Variants in KCND2 observed in about 807,000 individuals in gnomAD.
The protein encoded by KCND2 is potassium voltage-gated channel subfamily D member 2.
In KCND2, 16 loss-of-function variants were observed where a neutral mutation model predicts 54.4. The observed-to-expected ratio is 0.29, with a 90% confidence interval of 0.20 to 0.45. The LOEUF (loss-of-function observed/expected upper bound fraction) is 0.45. Ranked by LOEUF, KCND2 falls within the 20% of genes least tolerant of loss-of-function variation. The pLI, the probability that KCND2 is intolerant of heterozygous loss-of-function variation, is 1.00. For synonymous variants in KCND2, 317 were observed against 310.7 expected (o/e 1.02, Z -0.21); for missense variants, 486 against 824.2 (o/e 0.59, Z 5.02).
At chr7:120,501,554 T>C (rs762937745) in intron 1 of KCND2, among the ~76,000 whole-genome samples, 51 of 152,154 alleles carry the variant, frequency 3.4e-4, no homozygotes, top group Non-Finnish European at 5.9e-4. Flanking sequence ...AGAAAATACT[T>C]ATAGTTTTGA....
intron 1 of KCND2, among the ~76,000 whole-genome samples, chr7:120,314,779 A>G (rs1003583849): frequency 1.3e-5 from 2 of 152,218 alleles, no homozygotes; most frequent in Non-Finnish European, 2.9e-5. Context: ...TGAAATCTAT[A>G]GTAGTCTCTA....
chr7:120,501,663 G>A (rs1279433631), intron 1 of KCND2, among the ~76,000 whole-genome samples: 1 of 152,022 alleles, frequency 6.6e-6, no homozygotes, highest in Non-Finnish European at 1.5e-5. Flanking sequence ...TCCTTTGATA[G>A]GTTCCTTGCC....
intron 1 of KCND2, among the ~76,000 whole-genome samples, chr7:120,662,743 A>G (rs1278079329): frequency 6.6e-6 from 1 of 152,194 alleles, no homozygotes; most frequent in Non-Finnish European, 1.5e-5. Context: ...CAACTACCAA[A>G]ACAAAAGCTC....
intron 1 of KCND2, among the ~76,000 whole-genome samples, chr7:120,649,609 T>C (rs555295437): frequency 1.1e-4 from 16 of 152,280 alleles, no homozygotes; most frequent in African/African-American, 3.9e-4. Context: ...TTGATGGGGT[T>C]GTTTGTTTTT....
At chr7:120,410,989 T>C (rs963188584) in intron 1 of KCND2, among the ~76,000 whole-genome samples, 1 of 151,860 alleles carries the variant, frequency 6.6e-6, no homozygotes, top group African/African-American at 2.4e-5. Flanking sequence ...AAAGAGGAAG[T>C]CAAATTGTCC....
chr7:120,544,045 T>A (rs1215627698), intron 1 of KCND2, among the ~76,000 whole-genome samples: 1 of 151,972 alleles, frequency 6.6e-6, no homozygotes, highest in Non-Finnish European at 1.5e-5. Flanking sequence ...ACTGTCTGCT[T>A]CCATGACCAA....
chr7:120,551,669 A>G (rs1216328822), intron 1 of KCND2, among the ~76,000 whole-genome samples: 1 of 152,230 alleles, frequency 6.6e-6, no homozygotes, highest in African/African-American at 2.4e-5. Flanking sequence ...TAGGTAAACC[A>G]TGAGAGGTTC....
At chr7:120,378,270 G>T (rs1198088466) in intron 1 of KCND2, among the ~76,000 whole-genome samples, 1 of 151,914 alleles carries the variant, frequency 6.6e-6, no homozygotes, top group African/African-American at 2.4e-5. Context: ...GGGCTGAAAA[G>T]ATGACTTATA....
At chr7:120,529,693 T>C (rs1791819675) in intron 1 of KCND2, among the ~76,000 whole-genome samples, 1 of 152,164 alleles carries the variant, frequency 6.6e-6, no homozygotes, top group Non-Finnish European at 1.5e-5. Flanking sequence ...GCAGCACCTG[T>C]AGAGTACACT....
intron 2 of KCND2, among the ~76,000 whole-genome samples, chr7:120,737,235 C>CT (rs1265320994): frequency 6.6e-6 from 1 of 151,912 alleles, no homozygotes; most frequent in Non-Finnish European, 1.5e-5. Context: ...GAACCACTGC[C>CT]TAGTACATTC....
At chr7:120,283,378 C>T (rs1010615245) in intron 1 of KCND2, among the ~76,000 whole-genome samples, 9 of 152,094 alleles carry the variant, frequency 5.9e-5, no homozygotes, top group Admixed American at 5.9e-4. Context: ...GATATGATTT[C>T]TGTGTTAAAA....
chr7:120,384,134 A>G lies in KCND2; in HGVS notation c.1115+108387A>G, dbSNP rs185102647. Among the ~76,000 whole-genome samples the G allele has an allele frequency of 3.5e-4, 54 of 152,184 alleles. No individual in the cohort carries two copies. In the East Asian group the frequency reaches 9.9e-3, roughly 28 times the overall value. On this transcript the variant is annotated intron_variant, in intron 1 of 5. Coordinates refer to ENST00000331113, the MANE Select transcript of KCND2 (RefSeq NM_012281.3). ...ATATTATACCTAATGCAAGGTAAAT[A>G]CGATGTAAACAGTTATGTTGCATTG...
intron 1 of KCND2, among the ~76,000 whole-genome samples, chr7:120,467,811 G>A (rs933111200): frequency 2.6e-5 from 4 of 152,036 alleles, no homozygotes; most frequent in Non-Finnish European, 5.9e-5. Flanking sequence ...AACCAGAAGT[G>A]GGTGTTGATG....
intron 1 of KCND2, among the ~76,000 whole-genome samples, chr7:120,536,647 C>G (rs750846078): frequency 1.3e-5 from 2 of 152,134 alleles, no homozygotes; most frequent in East Asian, 3.8e-4. Context: ...AGAAACTACT[C>G]TTTTGCTCAT....
chr7:120,286,809 T>C (rs1225490105), intron 1 of KCND2, among the ~76,000 whole-genome samples: 1 of 152,078 alleles, frequency 6.6e-6, no homozygotes, highest in Non-Finnish European at 1.5e-5. Flanking sequence ...CATTCATTAC[T>C]TTTTTACTCT....
At chr7:120,568,803 T>C (rs1436711143) in intron 1 of KCND2, among the ~76,000 whole-genome samples, 1 of 152,178 alleles carries the variant, frequency 6.6e-6, no homozygotes, top group East Asian at 1.9e-4. Context: ...ATTTAGAAAG[T>C]GCTGTATAAG....
chr7:120,484,944 A>G (rs180757496), intron 1 of KCND2, among the ~76,000 whole-genome samples: 24 of 152,208 alleles, frequency 1.6e-4, no homozygotes, highest in Admixed American at 1.5e-3. Context: ...CAGTGGAACC[A>G]TCATAGCTAA....
intron 1 of KCND2, among the ~76,000 whole-genome samples, chr7:120,400,306 A>T (rs954136657): frequency 3.9e-5 from 6 of 152,188 alleles, no homozygotes; most frequent in South Asian, 2.1e-4. Context: ...AGAAAATTTT[A>T]AAAAATGTAT....
chr7:120,516,779 A>G (rs541668056), intron 1 of KCND2, among the ~76,000 whole-genome samples: 66 of 152,280 alleles, frequency 4.3e-4, no homozygotes, highest in African/African-American at 1.6e-3. Context: ...ATACAAATAC[A>G]TAAACTCATG....
Sources: allele counts gnomAD v4.1 joint callset (sites outside exome capture counted in the v4.1 genomes callset), GRCh38; gene constraint gnomAD v4.1.1; transcripts MANE v1.5; gene names NCBI Gene and HGNC (gene_info 2026-07-23, HGNC 2026-07-21).